Variants in WNK2 observed in about 807,000 individuals in gnomAD.
The protein encoded by WNK2 is WNK lysine deficient protein kinase 2, also known as serine/threonine-protein kinase WNK2.
WNK2 carries 67 observed loss-of-function variants against 192.1 expected under a neutral mutation model. The ratio of observed to expected loss-of-function variants is 0.35; its 90% CI spans 0.29 to 0.43. The LOEUF (loss-of-function observed/expected upper bound fraction) is 0.43, where lower values mean the gene tolerates loss of function less well. Ranked by LOEUF, WNK2 falls within the 20% of genes least tolerant of loss-of-function variation. WNK2 has a pLI of 1.00. For missense variants in WNK2, 2,698 were observed against 3,089.7 expected, an observed-to-expected ratio of 0.87 and a Z score of 3.01; for synonymous variants, 1,439 against 1,393.9, an observed-to-expected ratio of 1.03 and a Z score of -0.72.
intron 2 of WNK2, among the ~76,000 whole-genome samples, chr9:93,223,548 C>T (rs577365783): frequency 4.6e-5 from 7 of 152,366 alleles, no homozygotes; most frequent in South Asian, 2.1e-4. Context: ...CCTTTCCGCA[C>T]ACCCAGAGCC....
chr9:93,191,204 C>T (rs968872720), intron 2 of WNK2, among the ~76,000 whole-genome samples: 1 of 152,046 alleles, frequency 6.6e-6, no homozygotes, highest in African/African-American at 2.4e-5. Flanking sequence ...CTGTCATTTC[C>T]GGGGACAGCT....
intron 15 of WNK2, 46 bp from the exon 16 acceptor site, chr9:93,263,871 C>T: frequency 1.4e-6 from 2 of 1,477,106 alleles, no homozygotes; most frequent in Non-Finnish European, 1.8e-6. Context: ...GTGGCGGGTG[C>T]ACGTGTGGGT....
At chr9:93,307,182 G>A in intron 27 of WNK2, 1 of 335,602 alleles carries the variant, frequency 3.0e-6, no homozygotes, top group Non-Finnish European at 5.6e-6. Context: ...CACGAGGAGA[G>A]ATGCCAGGAC....
intron 8 of WNK2, among the ~76,000 whole-genome samples, chr9:93,252,045 G>A (rs1402499506): frequency 1.3e-5 from 2 of 152,160 alleles, no homozygotes; most frequent in Non-Finnish European, 2.9e-5. Flanking sequence ...ATAGTGTGGC[G>A]TTTGTAAGTG....
chr9:93,312,067 G>A lies in WNK2; in HGVS notation c.6516+3483G>A, dbSNP rs567987900. Among the ~76,000 whole-genome samples, 13 of 152,248 alleles carry A rather than the reference G, an allele frequency of 8.5e-5. No individual in the cohort carries two copies. In the East Asian group the frequency reaches 2.5e-3, roughly 29 times the overall value. On this transcript the variant is annotated intron_variant, in intron 28 of 29. Coordinates refer to ENST00000427277, the MANE Select transcript of WNK2 (RefSeq NM_006648.4). ...TATTGGCTGTTTCTATGTCTTCCTT[G>A]AAGAAGTATTTATTGAAGTCTTCTG...
chr9:93,252,802 A>G, intron 8 of WNK2, 81 bp from the exon 9 acceptor site: 1 of 1,254,818 alleles, frequency 8.0e-7, no homozygotes, highest in East Asian at 3.1e-5. Context: ...ATTTTGCAGA[A>G]GAAAATATGC....
chr9:93,304,341 G>A (rs1247679337), intron 26 of WNK2, among the ~76,000 whole-genome samples: 1 of 152,234 alleles, frequency 6.6e-6, no homozygotes, highest in Admixed American at 6.5e-5. Context: ...GAGATGCCAA[G>A]TCCAAGAGCC....
At chr9:93,208,542 T>A (rs1833812335) in intron 2 of WNK2, among the ~76,000 whole-genome samples, 1 of 152,208 alleles carries the variant, frequency 6.6e-6, no homozygotes, top group Non-Finnish European at 1.5e-5. Context: ...TGTGTGTGCA[T>A]GTGCTGTGTG....
At chr9:93,303,972 G>A (rs1852048862) in intron 26 of WNK2, among the ~76,000 whole-genome samples, 1 of 152,224 alleles carries the variant, frequency 6.6e-6, no homozygotes, top group South Asian at 2.1e-4. Flanking sequence ...GGGAAGTTGT[G>A]GGGGACTGAG....
At chr9:93,209,389 T>G (rs889010192) in intron 2 of WNK2, among the ~76,000 whole-genome samples, 1 of 152,110 alleles carries the variant, frequency 6.6e-6, no homozygotes, top group African/African-American at 2.4e-5. Context: ...TGCTCTCCAT[T>G]GGGGTGACAC....
At chr9:93,263,228 T>C in intron 14 of WNK2, 1 of 441,766 alleles carries the variant, frequency 2.3e-6, no homozygotes, top group Non-Finnish European at 4.1e-6. Context: ...CGGATTGGCC[T>C]CACAACAGTG....
At chr9:93,250,392 T>C (rs1053206284) in intron 8 of WNK2, among the ~76,000 whole-genome samples, 1 of 152,254 alleles carries the variant, frequency 6.6e-6, no homozygotes, top group Non-Finnish European at 1.5e-5. Context: ...TACATGAATA[T>C]GCACATGCAC....
Position 93,263,920 on chromosome 9 carries a change from T to C in WNK2, c.3583T>C (p.Cys1195Arg). The C allele has an allele frequency of 6.2e-7, 1 of 1,611,838 alleles. No individual in the cohort carries two copies. The highest frequency in any genetic ancestry group is 8.5e-7 in the Non-Finnish European group (1 of 1,179,364). The change falls in exon 16 of 30, where the codon TGC (cysteine) becomes CGC (arginine). Residue 1195 changes from cysteine to arginine, a missense_variant. Coordinates refer to ENST00000427277, the MANE Select transcript of WNK2 (RefSeq NM_006648.4). ...GTGCTGATGCTGCCCCTTCCAGGTG[T>C]GCAACACTGGGGACAAGATGGTGGA... is the stretch of plus-strand genomic sequence containing the variant. Reference protein sequence around the residue: ...SRPRLTILNVCNTGDKMVECQ... With the variant: ...SRPRLTILNVRNTGDKMVECQ...
chr9:93,262,822 A>G (rs1844513375), intron 14 of WNK2, 103 bp downstream of exon 14: 2 of 1,350,732 alleles, frequency 1.5e-6, no homozygotes, highest in East Asian at 2.4e-5. Flanking sequence ...AACCCACTAT[A>G]GTTTGCCCTG....
chr9:93,293,955 C>T (rs1849810394), intron 23 of WNK2, among the ~76,000 whole-genome samples: 1 of 152,022 alleles, frequency 6.6e-6, no homozygotes, highest in South Asian at 2.1e-4. Context: ...TCTCTCTCTC[C>T]CACCCTCCTT....
At chr9:93,200,192 G>A (rs1017862597) in intron 2 of WNK2, among the ~76,000 whole-genome samples, 6 of 152,176 alleles carry the variant, frequency 3.9e-5, no homozygotes, top group Non-Finnish European at 5.9e-5. Context: ...TGACACCCCT[G>A]GGGACATGGA....
chr9:93,273,816 G>A (rs1023835621), intron 19 of WNK2, among the ~76,000 whole-genome samples: 1 of 152,290 alleles, frequency 6.6e-6, no homozygotes, highest in East Asian at 1.9e-4. Flanking sequence ...CTCCGATACA[G>A]TGTAATATAA....
chr9:93,201,389 G>T (rs187882272), intron 2 of WNK2, among the ~76,000 whole-genome samples: 1 of 152,240 alleles, frequency 6.6e-6, no homozygotes, highest in South Asian at 2.1e-4. Context: ...AGGCCCCTGC[G>T]TGCCTTCCTG....
chr9:93,185,854 T>C (rs899344294), intron 2 of WNK2, among the ~76,000 whole-genome samples: 1 of 152,230 alleles, frequency 6.6e-6, no homozygotes, highest in African/African-American at 2.4e-5. Flanking sequence ...GGCAGGCCTC[T>C]GTTGTGCGTT....
Sources: allele counts gnomAD v4.1 joint callset (sites outside exome capture counted in the v4.1 genomes callset), GRCh38; gene constraint gnomAD v4.1.1; transcripts MANE v1.5; gene names NCBI Gene and HGNC (gene_info 2026-07-23, HGNC 2026-07-21).